Variants in RYR3 observed in about 807,000 individuals in gnomAD.
RYR3 encodes ryanodine receptor 3.
Under a neutral mutation model 584.3 loss-of-function variants are expected in RYR3, and 207 were observed. That is an observed-to-expected ratio of 0.35 (90% CI 0.32 to 0.40). The LOEUF (loss-of-function observed/expected upper bound fraction) is 0.40, where lower values mean the gene tolerates loss of function less well. Ranked by LOEUF, RYR3 falls within the 10% of genes least tolerant of loss-of-function variation. RYR3 has a pLI of 1.00. For synonymous variants in RYR3, 2,416 were observed against 2,248.5 expected, an observed-to-expected ratio of 1.07 and a Z score of -2.11; for missense variants, 5,616 against 6,089.2, an observed-to-expected ratio of 0.92 and a Z score of 2.59.
chr15:33,438,732 T>A (rs1216121370), intron 1 of RYR3, among the ~76,000 whole-genome samples: 1 of 152,250 alleles, frequency 6.6e-6, no homozygotes, highest in African/African-American at 2.4e-5. Flanking sequence ...ATGGTACATT[T>A]ATTCAGGTCT....
intron 69 of RYR3, among the ~76,000 whole-genome samples, chr15:33,803,157 A>G (rs927639873): frequency 2.0e-5 from 3 of 152,242 alleles, no homozygotes; most frequent in Admixed American, 6.5e-5. Flanking sequence ...ATTGACTGTT[A>G]GAGTTTATAG....
chr15:33,635,289 A>T (rs750886080), intron 25 of RYR3, among the ~76,000 whole-genome samples: 10 of 152,200 alleles, frequency 6.6e-5, no homozygotes, highest in Non-Finnish European at 1.5e-4. Flanking sequence ...GTGATGTTGA[A>T]TAAATGATTT....
chr15:33,408,331 G>A (rs1018714262), intron 1 of RYR3, among the ~76,000 whole-genome samples: 2 of 152,120 alleles, frequency 1.3e-5, no homozygotes, highest in Non-Finnish European at 1.5e-5. Context: ...TAAAGGACAC[G>A]GTTTTGTTCT....
At chr15:33,500,095 C>G (rs1232739228) in intron 2 of RYR3, among the ~76,000 whole-genome samples, 1 of 152,202 alleles carries the variant, frequency 6.6e-6, no homozygotes, top group Non-Finnish European at 1.5e-5. Flanking sequence ...GCTTACTATT[C>G]TATGTACTTG....
At chr15:33,613,426 G>A (rs527664958) in intron 19 of RYR3, 51 bp downstream of exon 19, 54 of 1,521,506 alleles carry the variant, frequency 3.5e-5, no homozygotes, top group African/African-American at 5.5e-5. Context: ...CCACCTCCCC[G>A]CCACCACTGT....
chr15:33,855,001 G>A (rs572406278), intron 98 of RYR3, 89 bp downstream of exon 98: 28 of 1,277,384 alleles, frequency 2.2e-5, no homozygotes, highest in Non-Finnish European at 2.7e-5. Flanking sequence ...ATGACAGGAA[G>A]GAATATGTCT....
At chr15:33,822,893 G>A (rs1165565717) in intron 80 of RYR3, 103 bp from the exon 81 acceptor site, 27 of 839,456 alleles carry the variant, frequency 3.2e-5, no homozygotes, top group Middle Eastern at 2.6e-4. Flanking sequence ...TAAGCAGAGC[G>A]TCCAACTCAG....
intron 1 of RYR3, among the ~76,000 whole-genome samples, chr15:33,348,569 G>A (rs772405417): frequency 1.6e-4 from 24 of 152,172 alleles, no homozygotes; most frequent in Admixed American, 4.6e-4. Flanking sequence ...TTTGCCTCCC[G>A]GGTTCAAGCT....
At chr15:33,472,797 A>G (rs540683236) in intron 1 of RYR3, among the ~76,000 whole-genome samples, 1 of 151,984 alleles carries the variant, frequency 6.6e-6, no homozygotes, top group African/African-American at 2.4e-5. Flanking sequence ...CTTCTACTTG[A>G]CCTTCAGTTC....
At chr15:33,464,321 C>A (rs1878303) in intron 1 of RYR3, among the ~76,000 whole-genome samples, 91,285 of 150,750 alleles carry the variant, frequency 0.61, 28,239 homozygotes, top group African/African-American at 0.75. Flanking sequence ...GTGGGGGAAG[C>A]ACATCCTGCA....
intron 5 of RYR3, among the ~76,000 whole-genome samples, chr15:33,533,861 C>T (rs1270895543): frequency 6.6e-6 from 1 of 151,756 alleles, no homozygotes; most frequent in Admixed American, 6.6e-5. Flanking sequence ...TTTGCCATTC[C>T]ACTGTATCCT....
chr15:33,458,597 T>C (rs139426772), intron 1 of RYR3, among the ~76,000 whole-genome samples: 119 of 152,370 alleles, frequency 7.8e-4, no homozygotes, highest in African/African-American at 2.8e-3. Flanking sequence ...TTTAAACTTC[T>C]CAGTTCATTG....
chr15:33,803,082 C>T (rs1354733409), intron 69 of RYR3, among the ~76,000 whole-genome samples: 2 of 152,242 alleles, frequency 1.3e-5, no homozygotes, highest in Admixed American at 6.5e-5. Context: ...CTCTAGTCAG[C>T]TGCGATCATT....
chr15:33,807,184 C>T (rs2076256517), intron 69 of RYR3, among the ~76,000 whole-genome samples: 1 of 152,190 alleles, frequency 6.6e-6, no homozygotes, highest in South Asian at 2.1e-4. Flanking sequence ...AACAGATTGT[C>T]TATAGCCCAC....
At chr15:33,679,930 T>G (rs1383361549) in intron 38 of RYR3, among the ~76,000 whole-genome samples, 1 of 152,186 alleles carries the variant, frequency 6.6e-6, no homozygotes, top group East Asian at 1.9e-4. Context: ...AGTTAAAGCA[T>G]TAATAAAGAT....
intron 1 of RYR3, among the ~76,000 whole-genome samples, chr15:33,376,555 C>G (rs1181118993): frequency 6.6e-6 from 1 of 152,184 alleles, no homozygotes; most frequent in Non-Finnish European, 1.5e-5. Flanking sequence ...AGGGCTACCC[C>G]CTGGGTGAGG....
intron 1 of RYR3, among the ~76,000 whole-genome samples, chr15:33,315,926 G>A (rs1323990573): frequency 6.6e-6 from 1 of 152,152 alleles, no homozygotes; most frequent in Admixed American, 6.5e-5. Context: ...TAAGGACTGA[G>A]GTCAAGGGAT....
chr15:33,502,496 A>G (rs1024734401), intron 2 of RYR3, among the ~76,000 whole-genome samples: 2 of 152,164 alleles, frequency 1.3e-5, no homozygotes, highest in East Asian at 3.8e-4. Flanking sequence ...AATATCATGT[A>G]GGAAACAAAG....
intron 20 of RYR3, 93 bp downstream of exon 20, chr15:33,624,116 A>G: frequency 1.2e-6 from 1 of 853,060 alleles, no homozygotes; most frequent in Non-Finnish European, 1.9e-6. Flanking sequence ...CTTTCTTAAT[A>G]TACATGCTCC....
Sources: gnomAD v4.1 joint callset for allele counts (sites outside exome capture counted in the v4.1 genomes callset) on GRCh38, gnomAD v4.1.1 for gene constraint, MANE v1.5 for transcripts, NCBI Gene and HGNC (gene_info 2026-07-23, HGNC 2026-07-21) for gene names.